Variants in ATXN7 observed in about 807,000 individuals in gnomAD.
The protein encoded by ATXN7 is ataxin-7.
ATXN7 carries 12 observed loss-of-function variants against 70.5 expected under a neutral mutation model. The ratio of observed to expected loss-of-function variants is 0.17; its 90% confidence interval spans 0.11 to 0.28. ATXN7 has a LOEUF of 0.28. Among genes scored for constraint, ATXN7 ranks in the 10% least tolerant of loss-of-function variants. The pLI is 1.00. For missense variants in ATXN7, 1,256 were observed against 1,131.7 expected, an observed-to-expected ratio of 1.11 and a Z score of -1.58; for synonymous variants, 498 against 448.7, an observed-to-expected ratio of 1.11 and a Z score of -1.39.
At chr3:63,867,217 T>C (rs1213967270) in intron 1 of ATXN7, among the ~76,000 whole-genome samples, 4 of 152,218 alleles carry the variant, frequency 2.6e-5, no homozygotes, top group African/African-American at 4.8e-5. Flanking sequence ...TTTGTGTATG[T>C]GTATTTTTCT....
chr3:63,952,525 A>G, intron 5 of ATXN7, 42 bp downstream of exon 5: 1 of 1,399,644 alleles, frequency 7.1e-7, no homozygotes, highest in Non-Finnish European at 9.9e-7. Flanking sequence ...TAGAAGGTAA[A>G]AGGTAAAGCA....
intron 4 of ATXN7, among the ~76,000 whole-genome samples, chr3:63,914,176 C>A (rs1269680190): frequency 2.6e-5 from 4 of 152,142 alleles, no homozygotes; most frequent in African/African-American, 4.8e-5. Context: ...TTGTCTATGG[C>A]CCAAGGATAG....
chr3:63,898,856 C>T (rs1283483269), intron 2 of ATXN7, among the ~76,000 whole-genome samples: 1 of 152,148 alleles, frequency 6.6e-6, no homozygotes, highest in Non-Finnish European at 1.5e-5. Flanking sequence ...GCACCATTCC[C>T]CCAGCTCCTG....
rs1702320061 is a variant in ATXN7, at chr3:63,863,969, CCGCCGCCG to C, written c.-297_-290del. On this transcript the variant is annotated 5_prime_UTR_variant, in exon 1 of 13. It introduces an in-frame stop codon into an upstream open reading frame of the 5' UTR. Transcript: ENST00000674280. ...CCGCGCCGCGCCGCCGCCGCCGCCG[CCGCCGCCG>C]CGGGACCCGCGCTCCCCGCGCTCCC... 2 of 96,274 alleles carry C rather than the reference CCGCCGCCG, an allele frequency of 2.1e-5. No homozygotes were observed. The highest frequency in any genetic ancestry group is 9.1e-5 in the Admixed American group (1 of 11,010). 6.0% of individuals were successfully genotyped at this position (96,274 alleles called of 1,614,324 possible).
At chr3:63,940,336 G>A (rs933558578) in intron 4 of ATXN7, among the ~76,000 whole-genome samples, 2 of 146,542 alleles carry the variant, frequency 1.4e-5, no homozygotes, top group Non-Finnish European at 3.0e-5. Flanking sequence ...CAGCCCCTCA[G>A]CCAAGGCTGG....
At chr3:63,977,837 G>A (rs974893087) in intron 5 of ATXN7, among the ~76,000 whole-genome samples, 2 of 152,160 alleles carry the variant, frequency 1.3e-5, no homozygotes, top group African/African-American at 4.8e-5. Context: ...AGAGTAAGGA[G>A]GAGGAGATGA....
chr3:63,912,413 C>G (rs1243686733), intron 2 of ATXN7, among the ~76,000 whole-genome samples, 175 bp from the exon 3 acceptor site: 1 of 151,358 alleles, frequency 6.6e-6, no homozygotes, highest in Non-Finnish European at 1.5e-5. Flanking sequence ...GGACTTTGAG[C>G]CCGGGGCGGG....
chr3:63,908,363 G>A (rs188507218), intron 2 of ATXN7, among the ~76,000 whole-genome samples: 3 of 152,316 alleles, frequency 2.0e-5, no homozygotes, highest in Admixed American at 2.0e-4. Context: ...GGAGAAGAAC[G>A]AGGAAAGGGG....
intron 6 of ATXN7, among the ~76,000 whole-genome samples, chr3:63,981,642 T>TG (rs1470038246): frequency 4.6e-5 from 7 of 152,166 alleles, no homozygotes; most frequent in African/African-American, 1.7e-4. Context: ...CAACATATAT[T>TG]TATTAAACAC....
At chr3:63,966,440 TA>T (rs1165824765) in intron 5 of ATXN7, among the ~76,000 whole-genome samples, 45 of 152,334 alleles carry the variant, frequency 3.0e-4, no homozygotes, top group Middle Eastern at 3.4e-3. Context: ...TATGAGCTTT[TA>T]AAAAGATTTG....
At chr3:63,888,861 C>G (rs1021924893) in intron 1 of ATXN7, among the ~76,000 whole-genome samples, 1 of 152,130 alleles carries the variant, frequency 6.6e-6, no homozygotes, top group African/African-American at 2.4e-5. Context: ...GTCCCTAACT[C>G]CTGGCAGCTG....
intron 1 of ATXN7, among the ~76,000 whole-genome samples, chr3:63,877,578 G>A (rs1455029377): frequency 1.3e-5 from 2 of 152,212 alleles, no homozygotes; most frequent in African/African-American, 4.8e-5. Context: ...TTAGACAACT[G>A]TCTATATCTG....
intron 2 of ATXN7, among the ~76,000 whole-genome samples, chr3:63,906,188 C>A (rs987539401): frequency 6.6e-6 from 1 of 152,188 alleles, no homozygotes. Flanking sequence ...TTTTGTGGAA[C>A]AGTCTGTCTT....
intron 1 of ATXN7, among the ~76,000 whole-genome samples, 42 bp downstream of exon 1, chr3:63,864,200 G>T (rs1261934723): frequency 2.7e-5 from 4 of 149,702 alleles, no homozygotes; most frequent in African/African-American, 7.3e-5. Flanking sequence ...GGGGTGCGGC[G>T]GGAGCTGCGG....
At chr3:63,982,659 T>TG (rs2075509616) in intron 7 of ATXN7, among the ~76,000 whole-genome samples, 1 of 149,398 alleles carries the variant, frequency 6.7e-6, no homozygotes, top group Non-Finnish European at 1.5e-5. Flanking sequence ...TGTGTGTGTG[T>TG]CATGTAAAAG....
At position 63,982,204 on chromosome 3, in the gene ATXN7, A is replaced by G; in HGVS notation, c.771A>G (p.Lys257=). The G allele has an allele frequency of 6.2e-7, 1 of 1,614,094 alleles. No individual in the cohort carries two copies. Among genetic ancestry groups the G allele is most frequent in the Non-Finnish European group, 8.5e-7 (1 of 1,180,024 alleles). The part of the protein sequence containing the change: ...PHGRIMTPSV[K]VEKIHPKMDG... ...GTGACAGCATGACACCCTCTGTGAA[A>G]GTGGAAAAGATTCATCCGAAAATGG... The change falls in exon 7 of 13, where the codon AAA becomes AAG. Residue 257 remains lysine (K), a synonymous_variant. Transcript: ENST00000674280.
chr3:63,982,419 G>A lies in ATXN7; in HGVS notation c.986G>A (p.Arg329Lys). The A allele has an allele frequency of 6.2e-7, 1 of 1,610,038 alleles. No individual in the cohort carries two copies. Among genetic ancestry groups the A allele is most frequent in the South Asian group, 1.1e-5 (1 of 90,810 alleles). ...AAACCTGAAGACAATTCCAATAATA[G>A]GAAATTTTTAAATAAGAGATTATCA... Reference protein sequence around the residue: ...EKKPEDNSNNRKFLNKRLSER... With the variant: ...EKKPEDNSNNKKFLNKRLSER... Residue 329 changes from arginine to lysine, a missense_variant, in exon 7 of 13, where the codon AGG becomes AAG. Physicochemically the swap from Arg to Lys is conservative, Grantham distance 26. Coordinates refer to ENST00000674280, the MANE Select transcript of ATXN7 (RefSeq NM_001377405.1).
intron 5 of ATXN7, among the ~76,000 whole-genome samples, chr3:63,972,678 A>G (rs2075330694): frequency 6.6e-6 from 1 of 152,150 alleles, no homozygotes; most frequent in African/African-American, 2.4e-5. Flanking sequence ...GCTTGAATGA[A>G]TGTTCTTTTT....
chr3:63,952,520 G>T, intron 5 of ATXN7, 37 bp downstream of exon 5: 1 of 1,437,958 alleles, frequency 7.0e-7, no homozygotes, highest in South Asian at 1.2e-5. Context: ...GTTAATAGAA[G>T]GTAAAAGGTA....
Sources: allele counts gnomAD v4.1 joint callset (sites outside exome capture counted in the v4.1 genomes callset), GRCh38; gene constraint gnomAD v4.1.1; transcripts MANE v1.5; gene names NCBI Gene and HGNC (gene_info 2026-07-23, HGNC 2026-07-21).